Variants in NOX3 observed in about 807,000 individuals in gnomAD.
The protein encoded by NOX3 is NADPH oxidase 3.
NOX3 carries 74 observed loss-of-function variants against 76.7 expected under a neutral mutation model. The observed-to-expected ratio is 0.96, with a 90% confidence interval of 0.80 to 1.17. The LOEUF (loss-of-function observed/expected upper bound fraction) is 1.17, where lower values mean the gene tolerates loss of function less well. Among genes scored for constraint, NOX3 ranks in the 50% most tolerant of loss-of-function variants. The pLI is 0.00. For synonymous variants in NOX3, 263 were observed against 261.1 expected (o/e 1.01, Z -0.07); for missense variants, 695 against 703.3 (o/e 0.99, Z 0.13).
intron 4 of NOX3, among the ~76,000 whole-genome samples, chr6:155,447,397 T>G (rs117624499): frequency 0.015 from 2,304 of 152,354 alleles, 29 homozygotes; most frequent in Non-Finnish European, 0.02. Context: ...TGTTTTCTGT[T>G]AGATTGATTT....
chr6:155,438,730 C>A (rs1408383195), intron 6 of NOX3, among the ~76,000 whole-genome samples: 7 of 152,212 alleles, frequency 4.6e-5, no homozygotes, highest in Non-Finnish European at 1.0e-4. Flanking sequence ...CTAGGCCATG[C>A]CACTCTGCAG....
intron 9 of NOX3, among the ~76,000 whole-genome samples, chr6:155,425,776 C>T (rs1776747682): frequency 6.6e-6 from 1 of 152,174 alleles, no homozygotes; most frequent in Non-Finnish European, 1.5e-5. Flanking sequence ...GAACCCAGCT[C>T]CTCTCACAGT....
At chr6:155,438,690 A>G (rs1174413491) in intron 6 of NOX3, among the ~76,000 whole-genome samples, 1 of 152,172 alleles carries the variant, frequency 6.6e-6, no homozygotes, top group Non-Finnish European at 1.5e-5. Flanking sequence ...CCTACATGGG[A>G]CCCAGAGTCA....
At position 155,436,525 on chromosome 6, in the gene NOX3, G is replaced by C. The variant is rs763918734; in HGVS notation, c.691C>G (p.Gln231Glu). Reference protein sequence around the residue: ...GTGRIVRGQTQDSLSLHNITF... With the variant: ...GTGRIVRGQTEDSLSLHNITF... ...ATGTTGTGCAGAGAGAGACTGTCTTGGGTTTGGCCTCGAACAATCCGACTT... is the reference window on the plus strand; with the variant it reads ...ATGTTGTGCAGAGAGAGACTGTCTTCGGTTTGGCCTCGAACAATCCGACTT... The change falls in exon 7 of 14, where the codon CAA becomes GAA. Residue 231 changes from glutamine to glutamate, a missense_variant. Physicochemically the swap from Gln to Glu is conservative, Grantham distance 29. Transcript: ENST00000159060. 1 of 1,613,994 alleles carries C rather than the reference G, an allele frequency of 6.2e-7. No individual in the cohort carries two copies. Among genetic ancestry groups the C allele is most frequent in the South Asian group, 1.1e-5 (1 of 91,064 alleles).
chr6:155,402,465 A>G (rs185383828), intron 12 of NOX3, among the ~76,000 whole-genome samples: 19 of 152,356 alleles, frequency 1.2e-4, no homozygotes, highest in African/African-American at 4.1e-4. Context: ...TTACAAACAA[A>G]AACAATAGAA....
At chr6:155,432,620 G>A (rs965016034) in intron 7 of NOX3, among the ~76,000 whole-genome samples, 3 of 151,992 alleles carry the variant, frequency 2.0e-5, no homozygotes, top group South Asian at 2.1e-4. Context: ...GGGTCTCTTC[G>A]CATGGTCCCT....
At chr6:155,445,003 T>C (rs1777042943) in intron 4 of NOX3, among the ~76,000 whole-genome samples, 1 of 152,192 alleles carries the variant, frequency 6.6e-6, no homozygotes, top group Non-Finnish European at 1.5e-5. Context: ...TGGGACTTGG[T>C]GGTGTCTAAA....
At chr6:155,441,937 T>C (rs1402828729) in intron 5 of NOX3, among the ~76,000 whole-genome samples, 1 of 152,104 alleles carries the variant, frequency 6.6e-6, no homozygotes, top group Non-Finnish European at 1.5e-5. Flanking sequence ...TTCGGAAGTG[T>C]GAAATTTTTG....
intron 3 of NOX3, 89 bp from the exon 4 acceptor site, chr6:155,453,577 G>A: frequency 9.9e-7 from 1 of 1,013,584 alleles, no homozygotes; most frequent in South Asian, 1.3e-5. Context: ...ATCAGGCTCT[G>A]CCTCTAAACT....
rs756647273 is a variant in NOX3, at chr6:155,407,162, A to G, written c.1548T>C (p.Asn516=). ...KTFYGRPNWN[N]EFKQIAYNHP... Reference sequence around the variant, plus strand: ...GATTGTAGGCAATCTGCTTGAACTCATTGTTCCAGTTGGGCCTCCCATAGA... The same window carrying G: ...GATTGTAGGCAATCTGCTTGAACTCGTTGTTCCAGTTGGGCCTCCCATAGA... Residue 516 remains asparagine (N), a synonymous_variant, in exon 12 of 14, where the codon AAT becomes AAC. Transcript: ENST00000159060. 3.7e-6 allele frequency: 6 copies of G among 1,613,962 alleles called. No individual in the cohort carries two copies. In the Admixed American group the frequency reaches 5.0e-5, roughly 13 times the overall value.
At chr6:155,410,063 C>G (rs535342505) in intron 11 of NOX3, among the ~76,000 whole-genome samples, 4 of 152,194 alleles carry the variant, frequency 2.6e-5, no homozygotes, top group African/African-American at 7.2e-5. Flanking sequence ...GTCAAAAATC[C>G]CACTTGAATA....
At chr6:155,410,467 C>T (rs1278306776) in intron 11 of NOX3, among the ~76,000 whole-genome samples, 1 of 152,096 alleles carries the variant, frequency 6.6e-6, no homozygotes, top group African/African-American at 2.4e-5. Context: ...TATTGTGTAA[C>T]CTAGTAATCA....
At chr6:155,408,834 A>G (rs1354176291) in intron 11 of NOX3, among the ~76,000 whole-genome samples, 2 of 152,146 alleles carry the variant, frequency 1.3e-5, no homozygotes, top group Non-Finnish European at 2.9e-5. Context: ...CATTATCCTA[A>G]GTGAACTAAC....
chr6:155,415,649 A>G (rs1284320095), intron 10 of NOX3, among the ~76,000 whole-genome samples: 1 of 152,254 alleles, frequency 6.6e-6, no homozygotes, highest in Non-Finnish European at 1.5e-5. Flanking sequence ...CCATGCAGGT[A>G]GAAGTTGCAA....
At chr6:155,410,431 C>T (rs756209425) in intron 11 of NOX3, among the ~76,000 whole-genome samples, 11 of 152,078 alleles carry the variant, frequency 7.2e-5, no homozygotes, top group Admixed American at 2.0e-4. Flanking sequence ...AAGTATATAT[C>T]AATAATAGCT....
chr6:155,433,774 A>G (rs1776865895), intron 7 of NOX3, among the ~76,000 whole-genome samples: 1 of 152,164 alleles, frequency 6.6e-6, no homozygotes, highest in East Asian at 1.9e-4. Flanking sequence ...CTTTACTGGG[A>G]ATGCTTTTTG....
chr6:155,440,084 G>A lies in NOX3; in HGVS notation c.540C>T (p.Ile180=). 1 of 1,613,702 alleles carries A rather than the reference G, an allele frequency of 6.2e-7. No homozygotes were observed. Among genetic ancestry groups the A allele is most frequent in the Admixed American group, 1.7e-5 (1 of 60,002 alleles). ...TCATGATCAAGACTAAAGCCAGAGA[G>A]ATCACCAGACCGGTGACGCCTGCTA... ...RTIAGVTGLV[I]SLALVLIMTS... is the part of the protein sequence containing the mutation. The change falls in exon 6 of 14, where the codon ATC becomes ATT. Residue 180 remains isoleucine (I), a synonymous_variant. Coordinates refer to ENST00000159060, the MANE Select transcript of NOX3 (RefSeq NM_015718.3).
chr6:155,420,139 T>C (rs1776671021), intron 10 of NOX3, among the ~76,000 whole-genome samples: 2 of 152,168 alleles, frequency 1.3e-5, no homozygotes, highest in Admixed American at 1.3e-4. Flanking sequence ...ATATGTGACA[T>C]AACAGTAGGG....
At chr6:155,427,480 C>T (rs992829784) in intron 9 of NOX3, among the ~76,000 whole-genome samples, 2 of 152,174 alleles carry the variant, frequency 1.3e-5, no homozygotes, top group Non-Finnish European at 2.9e-5. Context: ...TCAAATCTTT[C>T]CTCTGTACGC....
Sources: gnomAD v4.1 joint callset for allele counts (sites outside exome capture counted in the v4.1 genomes callset) on GRCh38, gnomAD v4.1.1 for gene constraint, MANE v1.5 for transcripts, NCBI Gene and HGNC (gene_info 2026-07-23, HGNC 2026-07-21) for gene names.